The following PRSS55 variants were observed in gnomAD, a reference collection of about 807,000 sequenced individuals.
The protein encoded by PRSS55 is probable serine protease UNQ9391/PRO34284.
PRSS55 carries 41 observed loss-of-function variants against 23.6 expected under a neutral mutation model. The ratio of observed to expected loss-of-function variants is 1.74; its 90% CI spans 1.35 to 2.26. The LOEUF (loss-of-function observed/expected upper bound fraction) is 2.26, where lower values mean the gene tolerates loss of function less well. Among genes scored for constraint, PRSS55 ranks in the 30% most tolerant of loss-of-function variants. The pLI, the probability that PRSS55 is intolerant of heterozygous loss-of-function variation, is 0.00. For synonymous variants in PRSS55, 262 were observed against 175.5 expected, an observed-to-expected ratio of 1.49 and a Z score of -3.90; for missense variants, 669 against 439.1, an observed-to-expected ratio of 1.52 and a Z score of -4.68.
At chr8:10,539,715 T>C (rs1172211599), downstream of PRSS55, among the ~76,000 whole-genome samples, 1 of 152,232 alleles carries the variant, frequency 6.6e-6, no homozygotes, top group Non-Finnish European at 1.5e-5. Flanking sequence ...TGTTCTCTCT[T>C]GCCTGCTGCC....
intron 4 of PRSS55, among the ~76,000 whole-genome samples, chr8:10,548,121 C>A (rs929768034): frequency 1.3e-5 from 2 of 152,114 alleles, no homozygotes; most frequent in African/African-American, 4.8e-5. Context: ...CAGAGATTCC[C>A]AGAGCTTTGC....
At chr8:10,526,002 T>G (rs1366721549) in intron 1 of PRSS55, among the ~76,000 whole-genome samples, 1 of 152,192 alleles carries the variant, frequency 6.6e-6, no homozygotes, top group Non-Finnish European at 1.5e-5. Flanking sequence ...TAGCTGAGAC[T>G]GAGTCCTCCC....
chr8:10,550,393 C>G (rs1364766820), intron 4 of PRSS55, among the ~76,000 whole-genome samples: 1 of 152,204 alleles, frequency 6.6e-6, no homozygotes, highest in Non-Finnish European at 1.5e-5. Flanking sequence ...CCTGGCCTCA[C>G]GTCCCTGGCC....
At position 10,533,017 on chromosome 8, in the gene PRSS55, GA is replaced by G. The variant is rs765547980; in HGVS notation, c.711del (p.Tyr238ThrfsTer33). 5.0e-6 allele frequency: 8 copies of G among 1,614,188 alleles called. No individual in the cohort carries two copies. Among genetic ancestry groups the G allele is most frequent in the Non-Finnish European group, 6.8e-6 (8 of 1,180,036 alleles). ...CTTACCAAAAATATGCTGTGTGCCG[GA>G]TACAAGAATGAGAGCTATGATGCCT... ...PKLTKNMLCA[G>X]YKNESYDACK... is the part of the protein sequence containing the mutation. On this transcript the variant is annotated frameshift_variant, in exon 4 of 5. Coordinates refer to ENST00000328655, the MANE Select transcript of PRSS55 (RefSeq NM_198464.4). LOFTEE classifies it low-confidence loss of function (END_TRUNC).
downstream of PRSS55, among the ~76,000 whole-genome samples, chr8:10,542,088 C>A (rs142819064): frequency 1.3e-5 from 2 of 152,124 alleles, no homozygotes; most frequent in East Asian, 1.9e-4. Context: ...CTGTTTCACC[C>A]GTGAAAGCAA....
At chr8:10,543,455 C>CATTT (rs1491423238), downstream of PRSS55, among the ~76,000 whole-genome samples, 1 of 102,694 alleles carries the variant, frequency 9.7e-6, no homozygotes, top group Non-Finnish European at 2.0e-5. Context: ...ATCCTTCCTT[C>CATTT]CTTCCTTCCT....
rs929428520 is a variant in PRSS55, at chr8:10,545,234, A to G, written c.742-8709A>G. The G allele has an allele frequency of 1.0e-3, 150 of 148,486 alleles. 2 individuals are homozygous for G. Among genetic ancestry groups the G allele is most frequent in the African/African-American group, 2.8e-3 (112 of 40,138 alleles). The allele number at this position is 148,486 out of a possible 1,614,324, so 9.2% of individuals were successfully genotyped here. A position where few individuals can be genotyped will look rare whatever the true frequency, so the allele number is the denominator to read the frequency against. On this transcript the variant is annotated intron_variant, in intron 4 of 4. Coordinates refer to the PRSS55 transcript ENST00000522210. ...TTTTTTTCCGAGAGTGTCTCACTCT[A>G]TCACCCAGGCTGGAGGGGAATAGTG...
At chr8:10,536,351 G>C (rs1247482365) in intron 4 of PRSS55, among the ~76,000 whole-genome samples, 21 of 152,182 alleles carry the variant, frequency 1.4e-4, no homozygotes, top group Admixed American at 1.4e-3. Flanking sequence ...TGTTATTAAA[G>C]TCAGAAAATA....
Position 10,538,507 on chromosome 8 carries a change from C to T in PRSS55, c.773C>T (p.Pro258Leu), listed in dbSNP as rs768327437. 3.7e-6 allele frequency: 6 copies of T among 1,613,850 alleles called. No homozygotes were observed. The highest frequency in any genetic ancestry group is 3.3e-5 in the Admixed American group (2 of 60,002). Residue 258 changes from proline to leucine, a missense_variant, in exon 5 of 5, where the codon CCA becomes CTA. By Grantham distance (98) the Pro-to-Leu change is moderately conservative. Coordinates refer to ENST00000328655, the MANE Select transcript of PRSS55 (RefSeq NM_198464.4). ...GDSGGPLVCT[P>L]EPGEKWYQVG... is the part of the protein sequence containing the mutation. The stretch of plus-strand genomic sequence containing the variant: ...AGTGGGGGGCCTCTGGTCTGCACCC[C>T]AGAGCCTGGTGAGAAGTGGTACCAG...
intron 4 of PRSS55, among the ~76,000 whole-genome samples, chr8:10,552,079 T>C (rs899622992): frequency 6.6e-6 from 1 of 152,202 alleles, no homozygotes; most frequent in African/African-American, 2.4e-5. Context: ...CTTCATGTGC[T>C]CTGTGCAAAG....
chr8:10,543,422 TTC>T (rs60135145), downstream of PRSS55, among the ~76,000 whole-genome samples: 157 of 33,136 alleles, frequency 4.7e-3, 5 homozygotes, highest in South Asian at 0.021. Context: ...TCTTCTTTCT[TTC>T]TTCCTTCCTT....
chr8:10,542,419 G>GGA (rs60800512), downstream of PRSS55, among the ~76,000 whole-genome samples: 12,032 of 133,446 alleles, frequency 0.09, 619 homozygotes, highest in African/African-American at 0.11. Flanking sequence ...CCATGCGGGG[G>GGA]AAAAAAAAAA....
intron 1 of PRSS55, among the ~76,000 whole-genome samples, chr8:10,526,979 C>A (rs1474154440): frequency 6.6e-6 from 1 of 152,214 alleles, no homozygotes; most frequent in African/African-American, 2.4e-5. Flanking sequence ...GTGCCATGTT[C>A]TGCATCTCAG....
intron 4 of PRSS55, among the ~76,000 whole-genome samples, chr8:10,544,397 C>T (rs1164435172): frequency 7.7e-6 from 1 of 129,604 alleles, no homozygotes; most frequent in African/African-American, 3.1e-5. Context: ...TTTTAACCTA[C>T]TTATATATGT....
intron 4 of PRSS55, among the ~76,000 whole-genome samples, chr8:10,536,756 G>C (rs1001682973): frequency 6.6e-6 from 1 of 152,184 alleles, no homozygotes; most frequent in Non-Finnish European, 1.5e-5. Context: ...AAGTGAATTA[G>C]TGCAGGAACA....
At chr8:10,542,381 G>A (rs545556492), downstream of PRSS55, among the ~76,000 whole-genome samples, 5 of 137,430 alleles carry the variant, frequency 3.6e-5, no homozygotes, top group African/African-American at 1.3e-4. Flanking sequence ...AAATGCAATT[G>A]TTAGGTATTT....
At chr8:10,527,821 T>A (rs1282983206) in intron 1 of PRSS55, among the ~76,000 whole-genome samples, 1 of 152,226 alleles carries the variant, frequency 6.6e-6, no homozygotes, top group Non-Finnish European at 1.5e-5. Context: ...GCAGTTATGA[T>A]AACCAAGTGA....
downstream of PRSS55, among the ~76,000 whole-genome samples, chr8:10,539,013 G>A (rs1368495425): frequency 6.7e-6 from 1 of 150,206 alleles, no homozygotes; most frequent in Non-Finnish European, 1.5e-5. Flanking sequence ...AATTCTGACT[G>A]AATTCAGCCA....
At chr8:10,539,186 G>C (rs149035541), downstream of PRSS55, among the ~76,000 whole-genome samples, 1 of 152,180 alleles carries the variant, frequency 6.6e-6, no homozygotes, top group South Asian at 2.1e-4. Flanking sequence ...GCTTCTCAGC[G>C]GTGATGAGAA....
Sources: allele counts gnomAD v4.1 joint callset (sites outside exome capture counted in the v4.1 genomes callset), GRCh38; gene constraint gnomAD v4.1.1; transcripts MANE v1.5; gene names NCBI Gene and HGNC (gene_info 2026-07-23, HGNC 2026-07-21).